The following ZNF676 variants were observed in gnomAD, a reference collection of about 807,000 sequenced individuals.
The protein encoded by ZNF676 is zinc finger protein 676.
Under a neutral mutation model 6.0 loss-of-function variants are expected in ZNF676, and 4 were observed. The observed-to-expected ratio is 0.67, with a 90% CI of 0.33 to 1.53. The LOEUF is 1.53. ZNF676 is among the 40% of genes most tolerant of loss of function. The pLI is 0.06. For synonymous variants in ZNF676, 198 were observed against 223.1 expected, an observed-to-expected ratio of 0.89 and a Z score of 1.00; for missense variants, 644 against 679.7, an observed-to-expected ratio of 0.95 and a Z score of 0.58.
chr19:22,180,313 C>A lies in ZNF676; in HGVS notation c.1404G>T (p.Lys468Asn). The change falls in exon 3 of 3, where the codon AAG becomes AAT. Residue 468 changes from lysine (K) to asparagine (N), a missense_variant. This residue lies in a region of ZNF676 where 306 missense variants were observed against 265.4 expected (regional missense o/e 1.15). Coordinates refer to ENST00000397121, the MANE Select transcript of ZNF676 (RefSeq NM_001001411.3). ...FTWSSSFTKH[K>N]RIHAAEKPYK... ...AAGGTTTCTCTGCAGCATGAATTCT[C>A]TTGTGTTTAGTAAAGCTTGAGGACC... 1.9e-6 allele frequency: 3 copies of A among 1,612,704 alleles called. No individual in the cohort carries two copies. The highest frequency in any genetic ancestry group is 2.5e-6 in the Non-Finnish European group (3 of 1,178,858).
At chr19:22,195,217 C>T (rs1382240469) in intron 1 of ZNF676, among the ~76,000 whole-genome samples, 1 of 152,178 alleles carries the variant, frequency 6.6e-6, no homozygotes, top group African/African-American at 2.4e-5. Flanking sequence ...CATCACAACT[C>T]ATAGCCTCTA....
the ZNF676 span, among the ~76,000 whole-genome samples, chr19:22,250,944 T>G: frequency 6.6e-6 from 1 of 152,142 alleles, no homozygotes; most frequent in African/African-American, 2.4e-5. Context: ...ACTTCTGACC[T>G]CAGGTGATCC....
At chr19:22,233,501 T>C in the ZNF676 span, among the ~76,000 whole-genome samples, 1 of 152,240 alleles carries the variant, frequency 6.6e-6, no homozygotes, top group East Asian at 1.9e-4. Flanking sequence ...TTGCTAGAGA[T>C]TCTGGGAGTC....
chr19:22,218,027 T>G (rs1271130660), upstream of ZNF676, among the ~76,000 whole-genome samples: 1 of 151,992 alleles, frequency 6.6e-6, no homozygotes, highest in Non-Finnish European at 1.5e-5. Flanking sequence ...CTTGCAAGAG[T>G]AAGGTGATAT....
the ZNF676 span, among the ~76,000 whole-genome samples, chr19:22,255,860 CAA>C: frequency 2.7e-4 from 29 of 107,422 alleles, no homozygotes; most frequent in African/African-American, 3.4e-4. Context: ...GACTCCATCT[CAA>C]AAAAAAAAAA....
At chr19:22,219,584 CTTG>C (rs1217056085), upstream of ZNF676, among the ~76,000 whole-genome samples, 2 of 151,994 alleles carry the variant, frequency 1.3e-5, no homozygotes, top group Non-Finnish European at 2.9e-5. Context: ...GCATTATTGT[CTTG>C]TTCCAGTTCT....
the ZNF676 span, among the ~76,000 whole-genome samples, chr19:22,242,119 A>G: frequency 6.6e-6 from 1 of 151,950 alleles, no homozygotes; most frequent in Non-Finnish European, 1.5e-5. Context: ...AAGAGACAGT[A>G]TCTCTCCTGG....
chr19:22,183,164 A>G (rs1228715939), intron 2 of ZNF676, among the ~76,000 whole-genome samples: 1 of 152,200 alleles, frequency 6.6e-6, no homozygotes, highest in Non-Finnish European at 1.5e-5. Flanking sequence ...AAATGAAAGC[A>G]TATCAATACG....
At chr19:22,245,402 T>A in the ZNF676 span, 35 of 152,224 alleles carry the variant, frequency 2.3e-4, no homozygotes, top group Admixed American at 5.9e-4. Flanking sequence ...ATCACTAAGG[T>A]TCTGGTTCCA....
chr19:22,210,603 T>C (rs1047313666), intron 1 of ZNF676, among the ~76,000 whole-genome samples: 1 of 152,204 alleles, frequency 6.6e-6, no homozygotes, highest in Non-Finnish European at 1.5e-5. Context: ...TAAAATTCTC[T>C]ATCCTCTGTG....
At chr19:22,205,351 A>G (rs1008623582) in intron 1 of ZNF676, among the ~76,000 whole-genome samples, 9 of 152,152 alleles carry the variant, frequency 5.9e-5, no homozygotes, top group Admixed American at 2.6e-4. Flanking sequence ...ATACCATAAC[A>G]TACATTCTTC....
upstream of ZNF676, among the ~76,000 whole-genome samples, chr19:22,201,335 C>T (rs1460768468): frequency 3.3e-5 from 5 of 152,152 alleles, no homozygotes; most frequent in Non-Finnish European, 7.4e-5. Flanking sequence ...AAAGGCCACA[C>T]TCTCAAAAAA....
chr19:22,183,699 T>C (rs2023793087), intron 2 of ZNF676, among the ~76,000 whole-genome samples: 1 of 152,192 alleles, frequency 6.6e-6, no homozygotes, highest in South Asian at 2.1e-4. Flanking sequence ...TCAGTTGAAA[T>C]CTAATGTTAA....
At chr19:22,232,007 T>G in the ZNF676 span, among the ~76,000 whole-genome samples, 1 of 152,146 alleles carries the variant, frequency 6.6e-6, no homozygotes, top group South Asian at 2.1e-4. Flanking sequence ...ATTTATTTAC[T>G]GGGAACCTAT....
intron 2 of ZNF676, among the ~76,000 whole-genome samples, chr19:22,184,261 G>A (rs1038062585): frequency 5.3e-5 from 8 of 152,132 alleles, no homozygotes; most frequent in Non-Finnish European, 1.0e-4. Context: ...AGGGGTTGGG[G>A]AACTCCCTCT....
chr19:22,193,513 T>C (rs8106346), intron 1 of ZNF676, among the ~76,000 whole-genome samples: 65,157 of 151,812 alleles, frequency 0.43, 14,944 homozygotes, highest in African/African-American at 0.59. Context: ...CCTTCTTATT[T>C]TGTCAGACAA....
the ZNF676 span, among the ~76,000 whole-genome samples, chr19:22,240,289 A>G: frequency 2.0e-5 from 3 of 150,236 alleles, no homozygotes; most frequent in African/African-American, 7.6e-5. Flanking sequence ...GCCTGGTCAG[A>G]AGAGGCAAAT....
At chr19:22,238,884 C>T in the ZNF676 span, among the ~76,000 whole-genome samples, 6 of 152,288 alleles carry the variant, frequency 3.9e-5, no homozygotes, top group Admixed American at 2.6e-4. Flanking sequence ...ATTCTGGCCA[C>T]GTTGGCAGTT....
At chr19:22,200,740 C>G (rs748686479), upstream of ZNF676, among the ~76,000 whole-genome samples, 2 of 151,876 alleles carry the variant, frequency 1.3e-5, no homozygotes, top group Non-Finnish European at 2.9e-5. Context: ...GGTGAAATCC[C>G]TATTTCACCA....
Sources: gnomAD v4.1 joint callset for allele counts (sites outside exome capture counted in the v4.1 genomes callset) on GRCh38, gnomAD v4.1.1 for gene constraint, gnomAD v4.1.1 regional missense constraint, MANE v1.5 for transcripts, NCBI Gene and HGNC (gene_info 2026-07-23, HGNC 2026-07-21) for gene names.